The following CACNA1C variants were observed in gnomAD, a reference collection of about 807,000 sequenced individuals.
CACNA1C encodes calcium voltage-gated channel subunit alpha1 C, also known as voltage-dependent L-type calcium channel subunit alpha-1C.
A neutral mutation model predicts 229.0 loss-of-function variants in CACNA1C; 30 were observed. The ratio of observed to expected loss-of-function variants is 0.13; its 90% CI spans 0.10 to 0.18. The LOEUF (loss-of-function observed/expected upper bound fraction) is 0.18, where lower values mean the gene tolerates loss of function less well. CACNA1C is among the 10% of genes least tolerant of loss of function. CACNA1C has a pLI of 1.00. For missense variants in CACNA1C, 1,658 were observed against 2,845.0 expected (o/e 0.58, Z 9.49); for synonymous variants, 1,114 against 1,132.5 (o/e 0.98, Z 0.33).
chr12:2,611,471 A>G lies in CACNA1C; in HGVS notation c.3718-432A>G, dbSNP rs533736282. ...AGGGAGGGGAGGAGATGGAGAAGGG[A>G]GGGATGAGCTGGATGCATTCATTGT... On this transcript the variant is annotated intron_variant, in intron 28 of 46. Coordinates refer to ENST00000399655, the MANE Select transcript of CACNA1C (RefSeq NM_000719.7). Among the ~76,000 whole-genome samples the G allele has an allele frequency of 1.6e-3, 214 of 135,468 alleles. 1 individual carries two copies. The highest frequency in any genetic ancestry group is 5.5e-3 in the African/African-American group (192 of 35,140). 88.9% of individuals were successfully genotyped at this position (135,468 alleles called of 152,430 possible). A position where few individuals can be genotyped will look rare whatever the true frequency, so the allele number is the denominator to read the frequency against.
At chr12:1,992,994 C>T in intron 1 of CACNA1C, 1 of 620,140 alleles carries the variant, frequency 1.6e-6, no homozygotes, top group South Asian at 2.0e-5. Context: ...GGCTTAAGAT[C>T]AGCAATGGGT....
intron 3 of CACNA1C, among the ~76,000 whole-genome samples, chr12:2,228,021 A>C (rs2154358202): frequency 6.6e-6 from 1 of 152,250 alleles, no homozygotes; most frequent in Non-Finnish European, 1.5e-5. Flanking sequence ...AGATGTCCTT[A>C]GGTGGTGGGC....
At chr12:2,122,897 G>A (rs866312736) in intron 3 of CACNA1C, among the ~76,000 whole-genome samples, 13 of 152,200 alleles carry the variant, frequency 8.5e-5, no homozygotes, top group Non-Finnish European at 1.6e-4. Context: ...CAACTGTGCA[G>A]ACCCCAGCTC....
At chr12:2,644,986 C>T (rs1219439676) in intron 30 of CACNA1C, among the ~76,000 whole-genome samples, 1 of 152,216 alleles carries the variant, frequency 6.6e-6, no homozygotes. Context: ...TGCCCGACCT[C>T]TGCCTCAGAT....
intron 3 of CACNA1C, among the ~76,000 whole-genome samples, chr12:2,264,680 C>T (rs2081633563): frequency 6.6e-6 from 1 of 152,218 alleles, no homozygotes; most frequent in South Asian, 2.1e-4. Flanking sequence ...AGCCCGGAGG[C>T]CAGCCAGCCC....
chr12:2,405,528 G>T (rs1043553581), intron 3 of CACNA1C, among the ~76,000 whole-genome samples: 2 of 152,076 alleles, frequency 1.3e-5, no homozygotes, highest in African/African-American at 4.8e-5. Context: ...CTGTGGATTC[G>T]TTGAACATTT....
intron 3 of CACNA1C, among the ~76,000 whole-genome samples, chr12:2,439,201 G>T (rs2099190337): frequency 6.6e-6 from 1 of 152,218 alleles, no homozygotes; most frequent in South Asian, 2.1e-4. Context: ...AGGGGCTTCT[G>T]CCCTGGGCAG....
intron 3 of CACNA1C, among the ~76,000 whole-genome samples, chr12:2,328,643 T>A (rs896818384): frequency 6.6e-6 from 1 of 152,212 alleles, no homozygotes; most frequent in Admixed American, 6.5e-5. Context: ...GCTTGATAGA[T>A]GAGTTTTATG....
intron 18 of CACNA1C, among the ~76,000 whole-genome samples, chr12:2,586,745 C>T (rs1181695251): frequency 1.4e-4 from 22 of 152,160 alleles, no homozygotes; most frequent in Admixed American, 1.1e-3. Flanking sequence ...GCTTTCCCTC[C>T]GCTGGTTCTC....
chr12:2,135,721 A>G (rs552956897), intron 3 of CACNA1C, among the ~76,000 whole-genome samples: 3 of 146,016 alleles, frequency 2.1e-5, no homozygotes, highest in Admixed American at 1.4e-4. Context: ...GCTGTCAGAC[A>G]GGGACATTTA....
chr12:2,003,181 G>A (rs1299873636), intron 1 of CACNA1C, among the ~76,000 whole-genome samples: 6 of 152,068 alleles, frequency 3.9e-5, no homozygotes, highest in Non-Finnish European at 5.9e-5. Context: ...TGATTTTCAG[G>A]TGAGTTTTTT....
intron 1 of CACNA1C, among the ~76,000 whole-genome samples, chr12:2,106,541 T>C (rs866189716): frequency 1.0e-3 from 85 of 85,308 alleles, no homozygotes; most frequent in African/African-American, 1.6e-3. Flanking sequence ...GCGCCCACCC[T>C]GGAGAGGGTT....
At position 2,285,758 on chromosome 12, in the gene CACNA1C, G is replaced by A. The variant is rs576317170; in HGVS notation, c.478-163218G>A. ...CAACCTGTTGCTAACGTGCTCATTC[G>A]AGAGAGGCTGGTGCGCACCTACCCA... On this transcript the variant is annotated intron_variant, in intron 3 of 46. Coordinates refer to ENST00000399655, the MANE Select transcript of CACNA1C (RefSeq NM_000719.7). The surrounding 1 kb of genome is among the most constrained non-coding windows in gnomAD (Gnocchi z 4.2). Among the ~76,000 whole-genome samples, 82 of 152,262 alleles carry A rather than the reference G, an allele frequency of 5.4e-4. No individual in the cohort carries two copies. In the South Asian group the frequency reaches 0.011, roughly 21 times the overall value.
intron 3 of CACNA1C, among the ~76,000 whole-genome samples, chr12:2,428,436 C>T (rs776199254): frequency 6.6e-6 from 1 of 152,250 alleles, no homozygotes; most frequent in Non-Finnish European, 1.5e-5. Context: ...TTGCATGTCA[C>T]TCACCTGGTA....
At chr12:2,671,993 A>G (rs898971095) in intron 38 of CACNA1C, 15 of 152,278 alleles carry the variant, frequency 9.9e-5, no homozygotes, top group African/African-American at 3.6e-4. Context: ...CTAAGAAAGA[A>G]AGACAAAGTC....
chr12:2,194,351 C>T (rs534386886), intron 3 of CACNA1C, among the ~76,000 whole-genome samples: 22 of 151,406 alleles, frequency 1.5e-4, no homozygotes, highest in African/African-American at 4.8e-4. Context: ...TCCTCCCTCT[C>T]CTCCTCCTCC....
chr12:2,627,279 T>C (rs216018), intron 29 of CACNA1C, among the ~76,000 whole-genome samples: 151,352 of 152,284 alleles, frequency 0.99, 75,219 homozygotes, highest in Middle Eastern at 1. Flanking sequence ...CTCCATTAGG[T>C]GCCACTAATT....
In CACNA1C at chr12:2,098,662, G is replaced by T. The variant is rs567315109; in HGVS notation, c.50-16562G>T. ...TTAATATCTGTGTATGGGATATAGCGATTGTTTTTAAGAGTTGGTTGCTTA... is the reference window on the plus strand; with the variant it reads ...TTAATATCTGTGTATGGGATATAGCTATTGTTTTTAAGAGTTGGTTGCTTA... On this transcript the variant is annotated intron_variant, in intron 1 of 46. Coordinates refer to ENST00000399655, the MANE Select transcript of CACNA1C (RefSeq NM_000719.7). 2.0e-5 allele frequency among the ~76,000 whole-genome samples: 3 copies of T among 152,302 alleles called. No homozygotes were observed. The South Asian group carries it at 6.2e-4, about 32-fold the overall frequency.
intron 3 of CACNA1C, among the ~76,000 whole-genome samples, chr12:2,328,745 G>A (rs922108817): frequency 2.6e-5 from 4 of 152,282 alleles, no homozygotes; most frequent in Non-Finnish European, 4.4e-5. Context: ...ATGTCTAGAT[G>A]GGGGCTTTTA....
Sources: gnomAD v4.1 joint callset for allele counts (sites outside exome capture counted in the v4.1 genomes callset) on GRCh38, gnomAD v4.1.1 for gene constraint, Gnocchi (gnomAD v3.1) non-coding constraint, MANE v1.5 for transcripts, NCBI Gene and HGNC (gene_info 2026-07-23, HGNC 2026-07-21) for gene names.